Variants in NAV2 observed in about 807,000 individuals in gnomAD.
The protein encoded by NAV2 is neuron navigator 2.
Under a neutral mutation model 223.2 loss-of-function variants are expected in NAV2, and 54 were observed. The ratio of observed to expected loss-of-function variants is 0.24; its 90% CI spans 0.19 to 0.30. The LOEUF is 0.30. Among genes scored for constraint, NAV2 ranks in the 10% least tolerant of loss-of-function variants. NAV2 has a pLI of 1.00. For missense variants in NAV2, 2,806 were observed against 3,147.5 expected (o/e 0.89, Z 2.60); for synonymous variants, 1,279 against 1,239.3 (o/e 1.03, Z -0.67).
At chr11:19,424,220 C>T (rs561213466) in intron 1 of NAV2, among the ~76,000 whole-genome samples, 9 of 152,298 alleles carry the variant, frequency 5.9e-5, no homozygotes, top group African/African-American at 2.2e-4. Context: ...ACTTTCTGCA[C>T]GGTGGCTAAT....
chr11:19,411,058 C>A (rs534715994), intron 1 of NAV2, among the ~76,000 whole-genome samples: 3 of 152,158 alleles, frequency 2.0e-5, no homozygotes, highest in Non-Finnish European at 4.4e-5. Context: ...GGCATTGGCA[C>A]AGCAATTGGC....
At chr11:19,663,524 G>A (rs562927160) in intron 1 of NAV2, among the ~76,000 whole-genome samples, 40 of 152,258 alleles carry the variant, frequency 2.6e-4, no homozygotes, top group African/African-American at 9.6e-4. Context: ...TGTTCCTGTG[G>A]TCCCCTGTCC....
intron 34 of NAV2, 175 bp from the exon 35 acceptor site, chr11:20,105,356 A>T (rs2061953150): frequency 5.6e-6 from 3 of 539,030 alleles, no homozygotes; most frequent in Non-Finnish European, 6.5e-6. Flanking sequence ...GGTTGGTATC[A>T]GGAACTGTGA....
Position 19,480,639 on chromosome 11 carries a change from A to G in NAV2, c.75+129612A>G, listed in dbSNP as rs147318811. Among the ~76,000 whole-genome samples the G allele has an allele frequency of 7.2e-5, 11 of 152,344 alleles. No homozygotes were observed. The East Asian group carries it at 1.7e-3, about 24-fold the overall frequency. Reference sequence around the variant, plus strand: ...AATCATCATACTAATCATGAATGTCAGTTTTAATCAGCATCATCTGACATT... The same window carrying G: ...AATCATCATACTAATCATGAATGTCGGTTTTAATCAGCATCATCTGACATT... On this transcript the variant is annotated intron_variant, in intron 1 of 37. Transcript: ENST00000360655.
chr11:20,045,050 A>G lies in NAV2; in HGVS notation c.3282A>G (p.Ala1094=), dbSNP rs1480614659. The G allele has an allele frequency of 6.2e-7, 1 of 1,614,028 alleles. No individual in the cohort carries two copies. The highest frequency in any genetic ancestry group is 8.5e-7 in the Non-Finnish European group (1 of 1,180,040). ...ASQVKRSPSD[A]GRSSGDESKK... The stretch of plus-strand genomic sequence containing the variant: ...AGGTGAAGCGCTCCCCATCAGATGC[A>G]GGCCGGAGCAGTGGTGACGAATCCA... The change falls in exon 14 of 38, where the codon GCA becomes GCG. Residue 1094 remains alanine, a synonymous_variant. Transcript: ENST00000349880.
intron 29 of NAV2, among the ~76,000 whole-genome samples, chr11:20,095,348 G>A (rs1178109194): frequency 6.6e-6 from 1 of 152,194 alleles, no homozygotes; most frequent in Non-Finnish European, 1.5e-5. Context: ...TGAAAAGAGA[G>A]AGATGCTAGA....
At chr11:19,456,364 T>TAA (rs1851959139) in intron 1 of NAV2, among the ~76,000 whole-genome samples, 1 of 152,216 alleles carries the variant, frequency 6.6e-6, no homozygotes, top group South Asian at 2.1e-4. Context: ...TAATGACTAT[T>TAA]AATAAGTAGT....
rs1045642522 is a variant in NAV2 at position 20,108,750 on chromosome 11, C to A, written c.6960+968C>A. 4.6e-5 allele frequency among the ~76,000 whole-genome samples: 7 copies of A among 152,272 alleles called. 1 individual carries two copies. The highest frequency in any genetic ancestry group is 9.6e-5 in the African/African-American group (4 of 41,550). On this transcript the variant is annotated intron_variant, in intron 36 of 37. Transcript: ENST00000349880. Reference sequence around the variant, plus strand: ...TACAGGCATGAGCCACTGTGCCCAGCCCGGAAAGCAAAAATTCTTTACTTC... The same window carrying A: ...TACAGGCATGAGCCACTGTGCCCAGACCGGAAAGCAAAAATTCTTTACTTC...
chr11:19,896,205 C>T (rs893185870), intron 6 of NAV2, among the ~76,000 whole-genome samples: 2 of 152,130 alleles, frequency 1.3e-5, no homozygotes, highest in East Asian at 3.9e-4. Context: ...ATAAAATTAA[C>T]CCTCTTCACC....
intron 25 of NAV2, 67 bp downstream of exon 25, chr11:20,080,276 TC>T (rs1565011414): frequency 6.8e-7 from 1 of 1,473,932 alleles, no homozygotes; most frequent in Non-Finnish European, 9.3e-7. Context: ...CTGCTGCATC[TC>T]CCCAGATAAA....
chr11:19,611,311 A>G (rs1304316499), intron 1 of NAV2, among the ~76,000 whole-genome samples: 1 of 152,130 alleles, frequency 6.6e-6, no homozygotes, highest in Non-Finnish European at 1.5e-5. Flanking sequence ...CAGCCAAACC[A>G]TATCATTCCA....
At chr11:19,437,030 G>A (rs1464846153) in intron 1 of NAV2, among the ~76,000 whole-genome samples, 1 of 152,144 alleles carries the variant, frequency 6.6e-6, no homozygotes. Flanking sequence ...AGCAGAGACA[G>A]TTTCACTTCT....
At chr11:19,813,129 T>C (rs544926984) in intron 1 of NAV2, among the ~76,000 whole-genome samples, 5 of 152,330 alleles carry the variant, frequency 3.3e-5, no homozygotes, top group South Asian at 4.1e-4. Flanking sequence ...TGTAGATTCC[T>C]CTCCTGCACT....
At chr11:19,777,968 A>T in intron 1 of NAV2, 1 of 455,452 alleles carries the variant, frequency 2.2e-6, no homozygotes, top group Non-Finnish European at 4.4e-6. Flanking sequence ...TCTGTGGGGA[A>T]TACATGAGCC....
chr11:19,702,235 T>G (rs1212011028), intron 1 of NAV2, among the ~76,000 whole-genome samples: 1 of 152,190 alleles, frequency 6.6e-6, no homozygotes, highest in Non-Finnish European at 1.5e-5. Flanking sequence ...TAGACGGAAT[T>G]TCTGGGGTAA....
chr11:19,945,016 CCTTTT>C (rs1467162421), intron 8 of NAV2, among the ~76,000 whole-genome samples: 3 of 148,784 alleles, frequency 2.0e-5, no homozygotes, highest in Non-Finnish European at 4.5e-5. Context: ...CCTTTCCTTT[CCTTTT>C]CTTTCTTCTT....
intron 1 of NAV2, among the ~76,000 whole-genome samples, chr11:19,802,021 T>G (rs901286744): frequency 7.9e-5 from 12 of 152,204 alleles, no homozygotes; most frequent in African/African-American, 2.9e-4. Flanking sequence ...ACCAAAGCTT[T>G]GTTCTATGAA....
intron 31 of NAV2, among the ~76,000 whole-genome samples, chr11:20,099,841 A>G (rs1431267115): frequency 1.3e-5 from 2 of 151,880 alleles, no homozygotes; most frequent in Non-Finnish European, 2.9e-5. Flanking sequence ...TCCTGTGTTT[A>G]TTATTATTAT....
In NAV2 at chr11:19,715,912, G is replaced by A. The variant is rs140302104; in HGVS notation, c.267+1950G>A. On this transcript the variant is annotated intron_variant, in intron 1 of 37. Coordinates refer to ENST00000349880, the MANE Select transcript of NAV2 (RefSeq NM_145117.5). ...CCCTGATTTTTACCTGCCTGCCCTC[G>A]TTTGCCAGTGCCCAGGGGTTCTGGG... 3.9e-5 allele frequency among the ~76,000 whole-genome samples: 6 copies of A among 152,268 alleles called. 1 individual carries two copies. Among genetic ancestry groups the A allele is most frequent in the African/African-American group, 1.2e-4 (5 of 41,542 alleles).
Sources: allele counts gnomAD v4.1 joint callset (sites outside exome capture counted in the v4.1 genomes callset), GRCh38; gene constraint gnomAD v4.1.1; transcripts MANE v1.5; gene names NCBI Gene and HGNC (gene_info 2026-07-23, HGNC 2026-07-21).